Variants in ABRAXAS2 observed in about 807,000 individuals in gnomAD.
The protein encoded by ABRAXAS2 is BRISC complex subunit Abraxas 2.
ABRAXAS2 carries 23 observed loss-of-function variants against 49.0 expected under a neutral mutation model. The observed-to-expected ratio is 0.47, with a 90% CI of 0.34 to 0.66. The LOEUF (loss-of-function observed/expected upper bound fraction) is 0.66. ABRAXAS2 is among the 30% of genes least tolerant of loss of function. ABRAXAS2 has a pLI of 0.01. For missense variants in ABRAXAS2, 443 were observed against 511.9 expected, an observed-to-expected ratio of 0.87 and a Z score of 1.30; for synonymous variants, 168 against 180.2, an observed-to-expected ratio of 0.93 and a Z score of 0.54.
At chr10:124,823,280 T>G (rs76018973) in intron 4 of ABRAXAS2, among the ~76,000 whole-genome samples, 5,212 of 152,254 alleles carry the variant, frequency 0.034, 134 homozygotes, top group Non-Finnish European at 0.046. Flanking sequence ...AGTACAAAAT[T>G]TTATCATTAC....
At chr10:124,809,119 G>A (rs893647458) in intron 2 of ABRAXAS2, among the ~76,000 whole-genome samples, 1 of 151,322 alleles carries the variant, frequency 6.6e-6, no homozygotes. Context: ...CAACAAGAGC[G>A]AAACTCTGTC....
Position 124,826,692 on chromosome 10 carries a change from T to A in ABRAXAS2, c.365T>A (p.Val122Glu). Reference protein sequence around the residue: ...LHKQLTRILGVPDLVFLLFSF... With the variant: ...LHKQLTRILGEPDLVFLLFSF... Reference sequence around the variant, plus strand: ...AAGCAGCTCACCCGCATCCTCGGCGTGCCCGACCTCGTCTTTCTTCTCTTC... The same window carrying A: ...AAGCAGCTCACCCGCATCCTCGGCGAGCCCGACCTCGTCTTTCTTCTCTTC... The change falls in exon 5 of 9, where the codon GTG (valine) becomes GAG (glutamate). Residue 122 changes from valine (V) to glutamate (E), a missense_variant. By Grantham distance (121) the Val-to-Glu change is moderately radical (BLOSUM62 -2). This residue lies in a region of ABRAXAS2 where 166 missense variants were observed against 247.3 expected (regional missense o/e 0.67). Transcript: ENST00000298492. 6.2e-7 allele frequency: 1 copy of A among 1,614,232 alleles called. No homozygotes were observed. Among genetic ancestry groups the A allele is most frequent in the Non-Finnish European group, 8.5e-7 (1 of 1,180,036 alleles).
chr10:124,801,967 C>T, intron 1 of ABRAXAS2, 66 bp downstream of exon 1: 3 of 1,535,932 alleles, frequency 2.0e-6, no homozygotes, highest in Non-Finnish European at 2.7e-6. Context: ...CCGGCGCTCG[C>T]GGCCAAGCCG....
At chr10:124,806,349 G>A (rs1285740143) in intron 1 of ABRAXAS2, among the ~76,000 whole-genome samples, 1 of 151,982 alleles carries the variant, frequency 6.6e-6, no homozygotes, top group Non-Finnish European at 1.5e-5. Context: ...GGTTCATGTG[G>A]ATGATAGGGA....
intron 1 of ABRAXAS2, among the ~76,000 whole-genome samples, 172 bp downstream of exon 1, chr10:124,802,073 G>A (rs1950708662): frequency 6.6e-6 from 1 of 152,160 alleles, no homozygotes; most frequent in South Asian, 2.1e-4. Flanking sequence ...GCCTCTGGGG[G>A]CTCCTTCGCC....
intron 1 of ABRAXAS2, among the ~76,000 whole-genome samples, chr10:124,804,678 T>C (rs1564917063): frequency 6.6e-6 from 1 of 151,398 alleles, no homozygotes; most frequent in Non-Finnish European, 1.5e-5. Context: ...CAGAGAGTTT[T>C]TTTTTTTTAA....
Position 124,834,942 on chromosome 10 carries a change from C to A in ABRAXAS2, c.1219C>A (p.Pro407Thr), listed in dbSNP as rs575354558. Residue 407 changes from proline to threonine, a missense_variant, in exon 9 of 9, where the codon CCC becomes ACC. Pro to Thr is a conservative substitution (Grantham distance 38, BLOSUM62 -1). This residue lies in a region of ABRAXAS2 where 230 missense variants were observed against 237.0 expected (regional missense o/e 0.97). Transcript: ENST00000298492. ...SRPMAHPDED[P>T]RNTQTSQI ...ACCCATGGCACATCCCGACGAGGAC[C>A]CCAGGAACACTCAGACCTCCCAGAT... is the stretch of plus-strand genomic sequence containing the variant. 1 of 1,611,400 alleles carries A rather than the reference C, an allele frequency of 6.2e-7. No individual in the cohort carries two copies. Among genetic ancestry groups the A allele is most frequent in the East Asian group, 2.2e-5 (1 of 44,868 alleles).
At chr10:124,820,290 G>A (rs888235472) in intron 4 of ABRAXAS2, among the ~76,000 whole-genome samples, 1 of 152,134 alleles carries the variant, frequency 6.6e-6, no homozygotes, top group African/African-American at 2.4e-5. Flanking sequence ...GTCTAACCAA[G>A]CTGCCTGCCC....
chr10:124,826,827 G>C (rs370602013), intron 5 of ABRAXAS2, 42 bp downstream of exon 5: 1 of 1,594,628 alleles, frequency 6.3e-7, no homozygotes, highest in Admixed American at 1.7e-5. Context: ...TAAGAAGGAC[G>C]TTGGGACCAG....
At chr10:124,825,792 T>A (rs1323006483) in intron 4 of ABRAXAS2, among the ~76,000 whole-genome samples, 1 of 152,214 alleles carries the variant, frequency 6.6e-6, no homozygotes, top group Admixed American at 6.5e-5. Flanking sequence ...AATTTCAGTA[T>A]GCAAAAGAAA....
chr10:124,803,506 G>C (rs1950720340), intron 1 of ABRAXAS2, among the ~76,000 whole-genome samples: 1 of 151,840 alleles, frequency 6.6e-6, no homozygotes. Context: ...TACAGGGCCA[G>C]ATAGTAAACT....
Position 124,826,696 on chromosome 10 carries a change from C to T in ABRAXAS2, c.369C>T (p.Pro123=), listed in dbSNP as rs145810516. The T allele has an allele frequency of 8.7e-6, 14 of 1,614,188 alleles. No individual in the cohort carries two copies. Among genetic ancestry groups the T allele is most frequent in the South Asian group, 2.2e-5 (2 of 91,092 alleles). Residue 123 remains proline (P), a synonymous_variant, in exon 5 of 9, where the codon CCC becomes CCT. Coordinates refer to ENST00000298492, the MANE Select transcript of ABRAXAS2 (RefSeq NM_032182.4). ...AGCTCACCCGCATCCTCGGCGTGCCCGACCTCGTCTTTCTTCTCTTCAGCT... is the reference window on the plus strand; with the variant it reads ...AGCTCACCCGCATCCTCGGCGTGCCTGACCTCGTCTTTCTTCTCTTCAGCT... ...HKQLTRILGV[P]DLVFLLFSFI...
At chr10:124,831,112 C>A (rs1033713570) in intron 7 of ABRAXAS2, among the ~76,000 whole-genome samples, 26 of 152,048 alleles carry the variant, frequency 1.7e-4, no homozygotes, top group Non-Finnish European at 3.8e-4. Context: ...TCCTATCTTA[C>A]CCTTACTGGT....
At position 124,826,780 on chromosome 10, in the gene ABRAXAS2, T is replaced by C. The variant is rs764078316; in HGVS notation, c.453T>C (p.Asn151=). ...HALEYVLFRP[N]RRYNQRISLA... ...TAGAATATGTGCTCTTCAGACCAAA[T>C]AGAAGGTAAAGCTTGCTTTTCCATC... The change falls in exon 5 of 9, where the codon AAT becomes AAC. Residue 151 remains asparagine, a synonymous_variant. Transcript: ENST00000298492. The C allele has an allele frequency of 1.1e-5, 18 of 1,613,770 alleles. 1 individual carries two copies. Among genetic ancestry groups the C allele is most frequent in the South Asian group, 6.6e-5 (6 of 91,058 alleles).
In ABRAXAS2 at chr10:124,826,512, A is replaced by G. The variant is rs1950896761; in HGVS notation, c.268-83A>G. The G allele has an allele frequency of 2.1e-5, 29 of 1,360,544 alleles. 1 individual carries two copies. In the Middle Eastern group the frequency reaches 5.6e-4, roughly 26 times the overall value. The allele number at this position is 1,360,544 out of a possible 1,614,324, so 84.3% of individuals were successfully genotyped here. A position where few individuals can be genotyped will look rare whatever the true frequency, so the allele number is the denominator to read the frequency against. ...GCTTTTGCACATAAAGCTACTATGA[A>G]CATTTGTGCATGTGTGTTTGTATGG... On this transcript the variant is annotated intron_variant, in intron 4 of 8. Transcript: ENST00000298492.
At chr10:124,822,620 C>G (rs1260589194) in intron 4 of ABRAXAS2, among the ~76,000 whole-genome samples, 1 of 152,060 alleles carries the variant, frequency 6.6e-6, no homozygotes, top group Non-Finnish European at 1.5e-5. Context: ...TGGCAAAACC[C>G]TGTCTCTACA....
chr10:124,827,091 CAA>C (rs74221364), intron 5 of ABRAXAS2, among the ~76,000 whole-genome samples: 14 of 84,416 alleles, frequency 1.7e-4, no homozygotes, highest in Admixed American at 3.9e-4. Flanking sequence ...GAATCCATCT[CAA>C]AAAAAAAAAA....
chr10:124,809,004 G>A (rs1950766246), intron 2 of ABRAXAS2, among the ~76,000 whole-genome samples: 1 of 152,042 alleles, frequency 6.6e-6, no homozygotes, highest in Non-Finnish European at 1.5e-5. Flanking sequence ...GGTGGCACAT[G>A]CCTGTAATCC....
At chr10:124,808,554 T>C (rs1950763455) in intron 2 of ABRAXAS2, among the ~76,000 whole-genome samples, 1 of 152,116 alleles carries the variant, frequency 6.6e-6, no homozygotes, top group Non-Finnish European at 1.5e-5. Context: ...GAATCATCCC[T>C]GCCTCCTAGA....
Sources: gnomAD v4.1 joint callset for allele counts (sites outside exome capture counted in the v4.1 genomes callset) on GRCh38, gnomAD v4.1.1 for gene constraint, gnomAD v4.1.1 regional missense constraint, MANE v1.5 for transcripts, NCBI Gene and HGNC (gene_info 2026-07-23, HGNC 2026-07-21) for gene names.